The following FBLN5 variants were observed in gnomAD, a reference collection of about 807,000 sequenced individuals.
FBLN5 encodes fibulin-5.
Under a neutral mutation model 61.6 loss-of-function variants are expected in FBLN5, and 24 were observed. The ratio of observed to expected loss-of-function variants is 0.39; its 90% CI spans 0.28 to 0.55. The LOEUF (loss-of-function observed/expected upper bound fraction) is 0.55, where lower values mean the gene tolerates loss of function less well. Among genes scored for constraint, FBLN5 ranks in the 20% least tolerant of loss-of-function variants. The probability of loss-of-function intolerance (pLI) is 0.65; values close to 1 mark genes in which losing one functional copy is unlikely to be tolerated. For missense variants in FBLN5, 470 were observed against 594.1 expected, an observed-to-expected ratio of 0.79 and a Z score of 2.17; for synonymous variants, 213 against 219.8, an observed-to-expected ratio of 0.97 and a Z score of 0.27.
chr14:91,947,506 C>T lies in FBLN5; in HGVS notation c.-277G>A. The T allele has an allele frequency of 1.7e-6, 1 of 586,104 alleles. No individual in the cohort carries two copies. Among genetic ancestry groups the T allele is most frequent in the South Asian group, 2.0e-5 (1 of 49,470 alleles). The allele number at this position is 586,104 out of a possible 1,614,324, so 36.3% of individuals were successfully genotyped here. ...GGAGGAATGTTAAAAATGAACACTT[C>T]ATTTTCTAAGTATGTTAAACAATGC... On this transcript the variant is annotated 5_prime_UTR_variant, in exon 1 of 11. The change abolishes an upstream ATG in the 5' untranslated region. Transcript: ENST00000342058. This position sits in a 1 kb window ranked among gnomAD's most constrained non-coding sequence, Gnocchi z 4.3.
chr14:91,904,551 T>C (rs1480902712), intron 4 of FBLN5, among the ~76,000 whole-genome samples: 3 of 152,242 alleles, frequency 2.0e-5, no homozygotes, highest in Non-Finnish European at 4.4e-5. Context: ...AAGAACGCTA[T>C]AGACTATGTG....
intron 4 of FBLN5, among the ~76,000 whole-genome samples, chr14:91,899,449 C>T (rs1178466611): frequency 6.6e-6 from 1 of 152,238 alleles, no homozygotes; most frequent in East Asian, 1.9e-4. Flanking sequence ...AAGCCCAGCA[C>T]TGCCCCTGCC....
At chr14:91,918,824 T>C (rs1405765787) in intron 4 of FBLN5, among the ~76,000 whole-genome samples, 1 of 152,114 alleles carries the variant, frequency 6.6e-6, no homozygotes. Context: ...GAAAGAGACA[T>C]AAAGATAACA....
Position 91,947,222 on chromosome 14 carries a change from C to T in FBLN5, c.8G>A (p.Gly3Glu). ...AGCGCCGAGAACCCACCTTTTTATT[C>T]CTGGCATGTCCAAGACGCGCGAGGA... is the stretch of plus-strand genomic sequence containing the variant. MP[G>E]IKRILTVTIL... The change falls in exon 1 of 11, where the codon GGA becomes GAA. Residue 3 changes from glycine (G) to glutamate (E), a missense_variant. Gly to Glu is a moderately conservative substitution (Grantham distance 98). Transcript: ENST00000342058. This position sits in a 1 kb window ranked among gnomAD's most constrained non-coding sequence, Gnocchi z 4.3. The T allele has an allele frequency of 6.2e-7, 1 of 1,614,192 alleles. No individual in the cohort carries two copies. The highest frequency in any genetic ancestry group is 8.5e-7 in the Non-Finnish European group (1 of 1,180,028).
rs758275646 is a variant in FBLN5 at position 91,894,918 on chromosome 14, G to A, written c.502+32C>T. On this transcript the variant is annotated intron_variant, in intron 5 of 10. Coordinates refer to ENST00000342058, the MANE Select transcript of FBLN5 (RefSeq NM_006329.4). ...GCCCCTGGCAACCGTTAACTTCCAA[G>A]AGTCCCTGTGACCCCCCCAGAGAGC... The A allele has an allele frequency of 4.3e-6, 6 of 1,411,020 alleles. No individual in the cohort carries two copies. The South Asian group carries it at 6.8e-5, about 16-fold the overall frequency. 87.4% of individuals were successfully genotyped at this position (1,411,020 alleles called of 1,614,324 possible). A position where few individuals can be genotyped will look rare whatever the true frequency, so the allele number is the denominator to read the frequency against.
At chr14:91,898,796 C>CTTTTTTTT (rs35840279) in intron 4 of FBLN5, among the ~76,000 whole-genome samples, 52 of 84,234 alleles carry the variant, frequency 6.2e-4, no homozygotes, top group East Asian at 1.0e-3. Flanking sequence ...TTCATTCATT[C>CTTTTTTTT]TTTTTTTTTT....
chr14:91,894,928 G>T (rs780791361), intron 5 of FBLN5, 22 bp downstream of exon 5: 6 of 1,603,464 alleles, frequency 3.7e-6, no homozygotes, highest in Middle Eastern at 1.7e-4. Context: ...GAGTCCCTGT[G>T]ACCCCCCCAG....
chr14:91,936,893 G>C, intron 4 of FBLN5, 54 bp downstream of exon 4: 1 of 1,610,914 alleles, frequency 6.2e-7, no homozygotes, highest in East Asian at 2.2e-5. Flanking sequence ...GCCAGATACA[G>C]ACGATGTCTT....
intron 10 of FBLN5, among the ~76,000 whole-genome samples, chr14:91,871,220 T>TA (rs1566796031): frequency 4.6e-4 from 11 of 23,936 alleles, no homozygotes; most frequent in African/African-American, 6.1e-4. Flanking sequence ...GATCAGTAAT[T>TA]TAAAAAAAAA....
rs1236830360 is a variant in FBLN5, at chr14:91,947,463, A to G, written c.-234T>C. The stretch of plus-strand genomic sequence containing the variant: ...TTTGCTTAGCCCTCTTCAGTAATTC[A>G]GCATTAAACCAATTGGAGGAGGAAT... On this transcript the variant is annotated 5_prime_UTR_variant, in exon 1 of 11. Coordinates refer to ENST00000342058, the MANE Select transcript of FBLN5 (RefSeq NM_006329.4). This position sits in a 1 kb window ranked among gnomAD's most constrained non-coding sequence, Gnocchi z 4.3. 4 of 616,956 alleles carry G rather than the reference A, an allele frequency of 6.5e-6. No homozygotes were observed. The highest frequency in any genetic ancestry group is 1.2e-5 in the Non-Finnish European group (4 of 346,682). 38.2% of individuals were successfully genotyped at this position (616,956 alleles called of 1,614,324 possible).
intron 4 of FBLN5, among the ~76,000 whole-genome samples, chr14:91,923,513 TCCATGTCTCTGC>T (rs2055776174): frequency 6.6e-6 from 1 of 152,230 alleles, no homozygotes; most frequent in Admixed American, 6.5e-5. Flanking sequence ...CTTTCTTGTC[TCCATGTCTCTGC>T]CCATGCTGTT....
At chr14:91,923,847 T>A (rs1181260864) in intron 4 of FBLN5, among the ~76,000 whole-genome samples, 1 of 152,212 alleles carries the variant, frequency 6.6e-6, no homozygotes, top group African/African-American at 2.4e-5. Context: ...GATCAGTCAA[T>A]ATTGTTTAAT....
At chr14:91,903,815 T>C (rs1378822987) in intron 4 of FBLN5, among the ~76,000 whole-genome samples, 1 of 152,192 alleles carries the variant, frequency 6.6e-6, no homozygotes, top group East Asian at 1.9e-4. Context: ...TTTCCTACTT[T>C]CCTTACATCC....
At position 91,947,416 on chromosome 14, in the gene FBLN5, G is replaced by C; in HGVS notation, c.-187C>G. On this transcript the variant is annotated 5_prime_UTR_variant, in exon 1 of 11. Transcript: ENST00000342058. The surrounding 1 kb of genome is among the most constrained non-coding windows in gnomAD (Gnocchi z 4.3). Reference sequence around the variant, plus strand: ...CCGGGGTCCTCCCAGCCACTGCAGAGCCCTCAGCGCAAGCACCTGGTTTTG... The same window carrying C: ...CCGGGGTCCTCCCAGCCACTGCAGACCCCTCAGCGCAAGCACCTGGTTTTG... 1 of 674,126 alleles carries C rather than the reference G, an allele frequency of 1.5e-6. No homozygotes were observed. The highest frequency in any genetic ancestry group is 2.7e-6 in the Non-Finnish European group (1 of 374,544). The allele number at this position is 674,126 out of a possible 1,614,324, so 41.8% of individuals were successfully genotyped here. A position where few individuals can be genotyped will look rare whatever the true frequency, so the allele number is the denominator to read the frequency against.
chr14:91,924,441 A>T (rs962486967), intron 4 of FBLN5, among the ~76,000 whole-genome samples: 1 of 152,172 alleles, frequency 6.6e-6, no homozygotes, highest in Non-Finnish European at 1.5e-5. Context: ...TAATCCCAAC[A>T]CTTTGGGAGG....
rs75285543 is a variant in FBLN5, at chr14:91,882,678, C to T, written c.862+276G>A. Among the ~76,000 whole-genome samples, 4 of 152,236 alleles carry T rather than the reference C, an allele frequency of 2.6e-5. No individual in the cohort carries two copies. Among genetic ancestry groups the T allele is most frequent in the South Asian group, 2.1e-4 (1 of 4,834 alleles). ...ATCTGCCTGGGGAGGCAGAAAGCCA[C>T]GCTTAGAGGCTGCCGTCTGCATCTG... On this transcript the variant is annotated intron_variant, in intron 8 of 10. Transcript: ENST00000342058. This position sits in a 1 kb window ranked among gnomAD's most constrained non-coding sequence, Gnocchi z 4.9.
At chr14:91,874,940 A>T (rs923500547) in intron 10 of FBLN5, 25 of 152,082 alleles carry the variant, frequency 1.6e-4, no homozygotes, top group African/African-American at 5.6e-4. Context: ...TTATCTTCTC[A>T]TCTCAGCCTC....
At chr14:91,946,675 G>A (rs970226615) in intron 1 of FBLN5, 3 of 1,484,266 alleles carry the variant, frequency 2.0e-6, no homozygotes, top group South Asian at 1.2e-5. Context: ...AACTGTAATT[G>A]CAATTTCCTT....
At chr14:91,915,500 A>G (rs1891152827) in intron 4 of FBLN5, among the ~76,000 whole-genome samples, 1 of 151,984 alleles carries the variant, frequency 6.6e-6, no homozygotes, top group African/African-American at 2.4e-5. Flanking sequence ...CCTGGCTAAT[A>G]TGGTGAAACC....
Sources: gnomAD v4.1 joint callset for allele counts (sites outside exome capture counted in the v4.1 genomes callset) on GRCh38, gnomAD v4.1.1 for gene constraint, Gnocchi (gnomAD v3.1) non-coding constraint, MANE v1.5 for transcripts, NCBI Gene and HGNC (gene_info 2026-07-23, HGNC 2026-07-21) for gene names.